Variants in YME1L1 observed in about 807,000 individuals in gnomAD.
YME1L1 encodes the protein YME1 like 1 ATPase, also known as ATP-dependent zinc metalloprotease YME1L1.
Under a neutral mutation model 90.4 loss-of-function variants are expected in YME1L1, and 39 were observed. The observed-to-expected ratio is 0.43, with a 90% CI of 0.33 to 0.56. The LOEUF (loss-of-function observed/expected upper bound fraction) is 0.56, where lower values mean the gene tolerates loss of function less well. Ranked by LOEUF, YME1L1 falls within the 20% of genes least tolerant of loss-of-function variation. The pLI is 0.03. For synonymous variants in YME1L1, 284 were observed against 287.3 expected, an observed-to-expected ratio of 0.99 and a Z score of 0.12; for missense variants, 617 against 868.4, an observed-to-expected ratio of 0.71 and a Z score of 3.64.
In YME1L1 at chr10:27,145,634, G is replaced by T. The variant is rs2057136619; in HGVS notation, c.169-44C>A. 3.3e-6 allele frequency: 5 copies of T among 1,518,740 alleles called. No individual in the cohort carries two copies. The South Asian group carries it at 5.0e-5, about 15-fold the overall frequency. The allele number at this position is 1,518,740 out of a possible 1,614,324, so 94.1% of individuals were successfully genotyped here. Reference sequence around the variant, plus strand: ...ACCAGGTATGCATTAATATTATCAAGATATTTAACCTAAGGAGTACATATT... The same window carrying T: ...ACCAGGTATGCATTAATATTATCAATATATTTAACCTAAGGAGTACATATT... On this transcript the variant is annotated intron_variant, in intron 2 of 18. Coordinates refer to ENST00000376016, the MANE Select transcript of YME1L1 (RefSeq NM_014263.4).
intron 1 of YME1L1, 114 bp downstream of exon 1, chr10:27,154,064 A>C (rs1409467511): frequency 1.5e-6 from 2 of 1,350,190 alleles, no homozygotes; most frequent in African/African-American, 2.9e-5. Flanking sequence ...ATTCGCATTG[A>C]GTACATCACT....
intron 1 of YME1L1, among the ~76,000 whole-genome samples, chr10:27,153,576 C>T (rs371993018): frequency 2.0e-5 from 3 of 152,136 alleles, no homozygotes; most frequent in Non-Finnish European, 2.9e-5. Flanking sequence ...CTCTTCACTA[C>T]CTTTTGTTTT....
Position 27,120,554 on chromosome 10 carries a change from G to A in YME1L1, c.1299-7C>T. The A allele has an allele frequency of 2.5e-6, 4 of 1,600,984 alleles. No homozygotes were observed. Among genetic ancestry groups the A allele is most frequent in the Non-Finnish European group, 3.4e-6 (4 of 1,172,022 alleles). On this transcript the variant is annotated splice_region_variant and splice_polypyrimidine_tract_variant and intron_variant, in intron 12 of 18. Transcript: ENST00000376016. ...ACCAGGACGTATTAAGGCACTACAG[G>A]AAGAATGCAAAAGGAAAATATAAAT... is the stretch of plus-strand genomic sequence containing the variant.
intron 2 of YME1L1, 37 bp from the exon 3 acceptor site, chr10:27,145,627 T>C (rs1388497931): frequency 1.3e-6 from 2 of 1,550,064 alleles, no homozygotes; most frequent in Non-Finnish European, 1.8e-6. Flanking sequence ...TGCATTAATA[T>C]TATCAAGATA....
rs60043957 is a variant in YME1L1 at position 27,141,601 on chromosome 10, GACACACACACACACAC to G, written c.430+770_430+785del. On this transcript the variant is annotated intron_variant, in intron 4 of 18. Transcript: ENST00000376016. ...GAGTCTCCACAGACAGATGTCCCTC[GACACACACACACACAC>G]ACACACACACACACACACACACACA... is the stretch of plus-strand genomic sequence containing the variant. Among the ~76,000 whole-genome samples the G allele has an allele frequency of 9.3e-4, 131 of 141,578 alleles. No homozygotes were observed. The Middle Eastern group carries it at 0.014, about 15-fold the overall frequency. 92.9% of individuals were successfully genotyped at this position (141,578 alleles called of 152,430 possible).
At chr10:27,139,771 T>C (rs535638487) in intron 4 of YME1L1, among the ~76,000 whole-genome samples, 1 of 152,188 alleles carries the variant, frequency 6.6e-6, no homozygotes, top group Non-Finnish European at 1.5e-5. Context: ...CATACTACCT[T>C]GCAATTTTAA....
rs74128570 is a variant in YME1L1, at chr10:27,114,599, A to G, written c.1929T>C (p.Val643=). 829 of 1,611,258 alleles carry G rather than the reference A, an allele frequency of 5.1e-4. 6 individuals are homozygous for G. In the African/African-American group the frequency reaches 8.9e-3, roughly 17 times the overall value. The change falls in exon 18 of 19, where the codon GTT becomes GTC. Residue 643 remains valine (V), a synonymous_variant. Transcript: ENST00000376016. The part of the protein sequence containing the change: ...TKFGMSEKLG[V]MTYSDTGKLS... ...GTTTCCCTGTATCACTGTAGGTCATAACTCCAAGCTAAAACCAAAAGGAAG... is the reference window on the plus strand; with the variant it reads ...GTTTCCCTGTATCACTGTAGGTCATGACTCCAAGCTAAAACCAAAAGGAAG...
chr10:27,129,398 CATA>C (rs1207239694), intron 8 of YME1L1: 1 of 152,154 alleles, frequency 6.6e-6, no homozygotes, highest in Non-Finnish European at 1.5e-5. Context: ...GTAAAACTAT[CATA>C]ATGATTCCCA....
chr10:27,134,869 C>G lies in YME1L1; in HGVS notation c.653G>C (p.Gly218Ala). 1 of 1,614,058 alleles carries G rather than the reference C, an allele frequency of 6.2e-7. No homozygotes were observed. Among genetic ancestry groups the G allele is most frequent in the Non-Finnish European group, 8.5e-7 (1 of 1,180,000 alleles). ...QDAFKTGFAE[G>A]FLKAQALTQK... ...TGTGAGTGCTTGAGCTTTCAGAAAA[C>G]CTTCCGCAAAACCAGTTTTAAATGC... The change falls in exon 6 of 19, where the codon GGT becomes GCT. Residue 218 changes from glycine (G) to alanine (A), a missense_variant. This residue lies in a region of YME1L1 where 311 missense variants were observed against 335.8 expected (regional missense o/e 0.93). Transcript: ENST00000376016.
intron 4 of YME1L1, among the ~76,000 whole-genome samples, chr10:27,138,367 T>C (rs1222628812): frequency 6.6e-6 from 1 of 152,120 alleles, no homozygotes; most frequent in Non-Finnish European, 1.5e-5. Context: ...AGTGGGTCAT[T>C]AGAGTTTTGA....
At chr10:27,139,823 T>C (rs983267958) in intron 4 of YME1L1, among the ~76,000 whole-genome samples, 4 of 152,236 alleles carry the variant, frequency 2.6e-5, no homozygotes, top group Non-Finnish European at 4.4e-5. Flanking sequence ...ATACTTCTAA[T>C]ACTGTCTGTA....
Position 27,134,091 on chromosome 10 carries a change from G to A in YME1L1, c.723C>T (p.Phe241=), listed in dbSNP as rs773737982. ...CATAAATGCCGAATAGCAGCAGAAC[G>A]AAGAGAATCAGACGGGTTCGCCTTA... is the stretch of plus-strand genomic sequence containing the variant. The part of the protein sequence containing the change: ...DSLRRTRLIL[F]VLLLFGIYGL... Residue 241 remains phenylalanine, a synonymous_variant, in exon 7 of 19, where the codon TTC becomes TTT. Transcript: ENST00000376016. 11 of 1,613,460 alleles carry A rather than the reference G, an allele frequency of 6.8e-6. No homozygotes were observed. Among genetic ancestry groups the A allele is most frequent in the East Asian group, 2.2e-5 (1 of 44,872 alleles).
chr10:27,153,920 T>C (rs2057270910), intron 1 of YME1L1, among the ~76,000 whole-genome samples: 1 of 151,354 alleles, frequency 6.6e-6, no homozygotes, highest in African/African-American at 2.4e-5. Context: ...TTCCACGCAA[T>C]CAGTTCGATA....
chr10:27,120,292 A>T, intron 13 of YME1L1, 143 bp downstream of exon 13: 2 of 603,676 alleles, frequency 3.3e-6, no homozygotes, highest in Non-Finnish European at 5.7e-6. Flanking sequence ...ATGGACTTTT[A>T]AACGAACATA....
Position 27,120,459 on chromosome 10 carries a change from G to A in YME1L1, c.1387C>T (p.Leu463Phe). ...KGRTEILKWY[L>F]NKIKFDQSVD... ...CATTGATCAAACTTTATTTTATTGA[G>A]ATACCATTTCAAAATTTCTGTTCGA... The change falls in exon 13 of 19, where the codon CTC becomes TTC. Residue 463 changes from leucine to phenylalanine, a missense_variant. By Grantham distance (22) the Leu-to-Phe change is conservative. Around this residue, in one of 4 missense-constraint regions of YME1L1, gnomAD observed 212 missense variants for 330.0 expected, o/e 0.64. Transcript: ENST00000376016. 1 of 1,613,166 alleles carries A rather than the reference G, an allele frequency of 6.2e-7. No homozygotes were observed. The highest frequency in any genetic ancestry group is 8.5e-7 in the Non-Finnish European group (1 of 1,179,396).
intron 4 of YME1L1, among the ~76,000 whole-genome samples, chr10:27,140,271 C>A (rs2057073391): frequency 6.6e-6 from 1 of 152,120 alleles, no homozygotes; most frequent in Non-Finnish European, 1.5e-5. Context: ...TCCCAAAGTG[C>A]TGGGATTACA....
chr10:27,149,271 G>T, intron 1 of YME1L1, among the ~76,000 whole-genome samples: 1 of 152,102 alleles, frequency 6.6e-6, no homozygotes, highest in South Asian at 2.1e-4. Flanking sequence ...TACATTTCTT[G>T]TTTGTAGCAA....
At position 27,142,410 on chromosome 10, in the gene YME1L1, C is replaced by A; in HGVS notation, c.407G>T (p.Cys136Phe). 2.6e-6 allele frequency: 4 copies of A among 1,517,634 alleles called. No individual in the cohort carries two copies. Among genetic ancestry groups the A allele is most frequent in the Admixed American group, 2.2e-5 (1 of 46,064 alleles). 94.0% of individuals were successfully genotyped at this position (1,517,634 alleles called of 1,614,324 possible). Residue 136 changes from cysteine to phenylalanine, a missense_variant, in exon 4 of 19, where the codon TGT becomes TTT. This residue lies in a region of YME1L1 where 311 missense variants were observed against 335.8 expected (regional missense o/e 0.93). Transcript: ENST00000376016. ...ACCTGGCCAGTACTGAAGATCTGAA[C>A]AAATGCTTTGAAGAGCTCTTGAATG... is the stretch of plus-strand genomic sequence containing the variant. Reference protein sequence around the residue: ...RHHSRALQSICSDLQYWPVFI... With the variant: ...RHHSRALQSIFSDLQYWPVFI...
chr10:27,120,446 T>C lies in YME1L1; in HGVS notation c.1400A>G (p.Lys467Arg), dbSNP rs2056855779. Residue 467 changes from lysine (K) to arginine (R), a missense_variant, in exon 13 of 19, where the codon AAG becomes AGG. Transcript: ENST00000376016. ...GTTTTGATACTTACATTGATCAAAC[T>C]TTATTTTATTGAGATACCATTTCAA... ...EILKWYLNKIKFDQSVDPEII... is the reference protein window; with the variant it reads ...EILKWYLNKIRFDQSVDPEII... 1 of 1,612,024 alleles carries C rather than the reference T, an allele frequency of 6.2e-7. No individual in the cohort carries two copies. Among genetic ancestry groups the C allele is most frequent in the African/African-American group, 1.3e-5 (1 of 74,876 alleles).
Sources: allele counts gnomAD v4.1 joint callset (sites outside exome capture counted in the v4.1 genomes callset), GRCh38; gene constraint gnomAD v4.1.1; regional missense constraint gnomAD v4.1.1; transcripts MANE v1.5; gene names NCBI Gene and HGNC (gene_info 2026-07-23, HGNC 2026-07-21).